Variants in ILRUN observed in about 807,000 individuals in gnomAD.
ILRUN encodes inflammation and lipid regulator with UBA-like and NBR1-like domains.
A neutral mutation model predicts 33.8 loss-of-function variants in ILRUN; 3 were observed. The observed-to-expected ratio is 0.09, with a 90% CI of 0.04 to 0.23. The LOEUF is 0.23. ILRUN is among the 10% of genes least tolerant of loss of function. The pLI, the probability that ILRUN is intolerant of heterozygous loss-of-function variation, is 1.00. For missense variants in ILRUN, 210 were observed against 375.1 expected, an observed-to-expected ratio of 0.56 and a Z score of 3.64; for synonymous variants, 124 against 138.9, an observed-to-expected ratio of 0.89 and a Z score of 0.75.
intron 1 of ILRUN, among the ~76,000 whole-genome samples, chr6:34,659,677 A>AGG: frequency 7.9e-6 from 1 of 126,080 alleles, no homozygotes; most frequent in South Asian, 2.6e-4. Flanking sequence ...GCTGGAGTGC[A>AGG]GTGGTGCTAT....
intron 3 of ILRUN, among the ~76,000 whole-genome samples, chr6:34,613,873 A>G (rs1451191802): frequency 1.3e-5 from 2 of 152,212 alleles, no homozygotes; most frequent in African/African-American, 4.8e-5. Flanking sequence ...GTTTCTATAT[A>G]GGATTCTCCA....
intron 2 of ILRUN, among the ~76,000 whole-genome samples, chr6:34,650,574 G>A (rs1762644992): frequency 6.6e-6 from 1 of 151,914 alleles, no homozygotes; most frequent in Admixed American, 6.6e-5. Flanking sequence ...GGGATTACAG[G>A]CGCCTGCCAC....
At position 34,587,717 on chromosome 6, in the gene ILRUN, T is replaced by C. The variant is rs1225366707; in HGVS notation, c.*2848A>G. On this transcript the variant is annotated 3_prime_UTR_variant, in exon 5 of 5. Coordinates refer to ENST00000374023, the MANE Select transcript of ILRUN (RefSeq NM_024294.4). The stretch of plus-strand genomic sequence containing the variant: ...CCAGTCCTTATGGGGGAGAGAAGGC[T>C]GACTGCTTCTTGTAGAAAAATGCCC... 4.9e-6 allele frequency: 1 copy of C among 202,194 alleles called. No individual in the cohort carries two copies. The highest frequency in any genetic ancestry group is 2.3e-5 in the African/African-American group (1 of 43,350). The allele number at this position is 202,194 out of a possible 1,614,324, so 12.5% of individuals were successfully genotyped here.
intron 1 of ILRUN, among the ~76,000 whole-genome samples, chr6:34,695,737 C>G (rs1375969408): frequency 6.6e-6 from 1 of 151,304 alleles, no homozygotes; most frequent in African/African-American, 2.4e-5. Context: ...TAAGGTGGTT[C>G]CCAGGCCCTG....
intron 1 of ILRUN, among the ~76,000 whole-genome samples, chr6:34,684,138 GA>G (rs918223316): frequency 5.0e-4 from 76 of 151,386 alleles, no homozygotes; most frequent in African/African-American, 1.8e-3. Context: ...TACTTCTCTT[GA>G]AAAAAAATAG....
At chr6:34,621,694 CTACTAAAAA>C (rs1762015714) in intron 3 of ILRUN, among the ~76,000 whole-genome samples, 1 of 152,006 alleles carries the variant, frequency 6.6e-6, no homozygotes, top group Non-Finnish European at 1.5e-5. Flanking sequence ...ACCCCCGTCT[CTACTAAAAA>C]TACAAAAAAT....
chr6:34,689,604 A>G (rs778137055), intron 1 of ILRUN, among the ~76,000 whole-genome samples: 14 of 152,096 alleles, frequency 9.2e-5, no homozygotes, highest in Non-Finnish European at 1.8e-4. Context: ...ACTTTTTCCT[A>G]GATTTATACA....
chr6:34,647,888 G>A (rs1762590453), intron 2 of ILRUN, among the ~76,000 whole-genome samples: 1 of 152,036 alleles, frequency 6.6e-6, no homozygotes. Context: ...TAGCATAGAT[G>A]GGGTTTCACC....
At chr6:34,657,012 G>C (rs1169284100) in intron 1 of ILRUN, among the ~76,000 whole-genome samples, 3 of 152,176 alleles carry the variant, frequency 2.0e-5, no homozygotes, top group African/African-American at 7.2e-5. Context: ...GTTTGTGACT[G>C]GTCAAACTTG....
chr6:34,643,299 C>CA lies in ILRUN; in HGVS notation c.511+3301dup, dbSNP rs879685019. Among the ~76,000 whole-genome samples the CA allele has an allele frequency of 1.0e-2, 1,110 of 111,294 alleles. 12 individuals carry two copies. The highest frequency in any genetic ancestry group is 0.022 in the African/African-American group (677 of 30,368). 73.0% of individuals were successfully genotyped at this position (111,294 alleles called of 152,430 possible). A position where few individuals can be genotyped will look rare whatever the true frequency, so the allele number is the denominator to read the frequency against. On this transcript the variant is annotated intron_variant, in intron 3 of 4. Coordinates refer to ENST00000374023, the MANE Select transcript of ILRUN (RefSeq NM_024294.4). ...GGGCGACAAGAGCAAGGACCCATCT[C>CA]AAAAAAAAAAAAAAAGTGCGTGTGT...
chr6:34,598,305 TGAGATACA>T (rs1761443180), intron 4 of ILRUN, among the ~76,000 whole-genome samples: 1 of 152,252 alleles, frequency 6.6e-6, no homozygotes, highest in African/African-American at 2.4e-5. Context: ...CCATTTATCC[TGAGATACA>T]ACAGTTCTTA....
At chr6:34,693,201 C>T (rs1210052882) in intron 1 of ILRUN, among the ~76,000 whole-genome samples, 2 of 152,228 alleles carry the variant, frequency 1.3e-5, no homozygotes, top group Admixed American at 1.3e-4. Context: ...GCTTTTAGTT[C>T]ACAAATGATT....
At chr6:34,635,164 T>C (rs763047104) in intron 3 of ILRUN, among the ~76,000 whole-genome samples, 3 of 152,198 alleles carry the variant, frequency 2.0e-5, no homozygotes, top group Non-Finnish European at 4.4e-5. Context: ...TGAAATCTAC[T>C]GAGCCAAAAC....
At chr6:34,651,604 T>C (rs1762669839) in intron 2 of ILRUN, among the ~76,000 whole-genome samples, 1 of 152,096 alleles carries the variant, frequency 6.6e-6, no homozygotes, top group African/African-American at 2.4e-5. Context: ...TTAAAAACAC[T>C]GAAGAGCTCA....
chr6:34,677,974 T>C (rs1763273087), intron 1 of ILRUN, among the ~76,000 whole-genome samples: 1 of 149,060 alleles, frequency 6.7e-6, no homozygotes, highest in Non-Finnish European at 1.5e-5. Flanking sequence ...AAAAAAGTGT[T>C]GCGATTACAG....
At chr6:34,691,369 A>AT (rs1299627238) in intron 1 of ILRUN, among the ~76,000 whole-genome samples, 1 of 152,234 alleles carries the variant, frequency 6.6e-6, no homozygotes, top group Non-Finnish European at 1.5e-5. Flanking sequence ...TTCACTTTAC[A>AT]TACTCACTTA....
chr6:34,623,023 A>G (rs1762040257), intron 3 of ILRUN, among the ~76,000 whole-genome samples: 1 of 152,230 alleles, frequency 6.6e-6, no homozygotes, highest in South Asian at 2.1e-4. Context: ...AATTCCACGT[A>G]TGTGAGGTAC....
chr6:34,662,235 G>A (rs899865295), intron 1 of ILRUN, among the ~76,000 whole-genome samples: 1 of 149,940 alleles, frequency 6.7e-6, no homozygotes, highest in African/African-American at 2.4e-5. Context: ...GAACCTGGGA[G>A]GCAGAGCTTG....
chr6:34,683,158 G>A (rs1251889895), intron 1 of ILRUN, among the ~76,000 whole-genome samples: 1 of 104,034 alleles, frequency 9.6e-6, no homozygotes, highest in East Asian at 2.5e-4. Flanking sequence ...AAATACACAC[G>A]TGTGTTTATG....
Sources: gnomAD v4.1 joint callset for allele counts (sites outside exome capture counted in the v4.1 genomes callset) on GRCh38, gnomAD v4.1.1 for gene constraint, MANE v1.5 for transcripts, NCBI Gene and HGNC (gene_info 2026-07-23, HGNC 2026-07-21) for gene names.